Variants in TMEM71 observed in about 807,000 individuals in gnomAD.
TMEM71 encodes the protein transmembrane protein 71.
Under a neutral mutation model 38.0 loss-of-function variants are expected in TMEM71, and 44 were observed. That is an observed-to-expected ratio of 1.16 (90% CI 0.91 to 1.49). The LOEUF (loss-of-function observed/expected upper bound fraction) is 1.49, where lower values mean the gene tolerates loss of function less well. TMEM71 is among the 40% of genes most tolerant of loss of function. The pLI is 0.00. For missense variants in TMEM71, 367 were observed against 348.6 expected (o/e 1.05, Z -0.42); for synonymous variants, 133 against 122.5 (o/e 1.09, Z -0.56).
intron 7 of TMEM71, among the ~76,000 whole-genome samples, chr8:132,719,415 C>T (rs1826717128): frequency 6.6e-6 from 1 of 152,150 alleles, no homozygotes; most frequent in African/African-American, 2.4e-5. Flanking sequence ...TGTAAAGTTA[C>T]CTTTAGGCTG....
chr8:132,773,695 A>G, the TMEM71 span, among the ~76,000 whole-genome samples: 1 of 152,236 alleles, frequency 6.6e-6, no homozygotes, highest in Non-Finnish European at 1.5e-5. Flanking sequence ...GAACATCATT[A>G]GCAACTTCTG....
At chr8:132,756,414 TATATATATATA>T (rs1563757940) in intron 3 of TMEM71, among the ~76,000 whole-genome samples, 12 of 61,218 alleles carry the variant, frequency 2.0e-4, no homozygotes, top group African/African-American at 4.3e-4. Flanking sequence ...ATATATATTA[TATATATATATA>T]TATATATATA....
At chr8:132,745,639 C>A (rs1408287167) in intron 5 of TMEM71, among the ~76,000 whole-genome samples, 2 of 152,040 alleles carry the variant, frequency 1.3e-5, no homozygotes, top group Non-Finnish European at 2.9e-5. Flanking sequence ...GACCTTAGAA[C>A]CACGATTTCA....
At chr8:132,706,270 G>A (rs116676526), downstream of TMEM71, among the ~76,000 whole-genome samples, 1,291 of 152,218 alleles carry the variant, frequency 8.5e-3, 26 homozygotes, top group African/African-American at 0.029. Flanking sequence ...ATCCTCTACA[G>A]TCCTTTAGCA....
chr8:132,740,411 C>T lies in TMEM71; in HGVS notation c.487+6531G>A, dbSNP rs553079015. On this transcript the variant is annotated intron_variant, in intron 5 of 9. Coordinates refer to ENST00000677595, the MANE Select transcript of TMEM71 (RefSeq NM_001382403.1). ...TCCCCTTTTCTTGTTTCCCATACCA[C>T]TCACCACTTATTAACATGCTACATA... is the stretch of plus-strand genomic sequence containing the variant. Among the ~76,000 whole-genome samples the T allele has an allele frequency of 5.9e-5, 9 of 152,366 alleles. No homozygotes were observed. In the South Asian group the frequency reaches 1.9e-3, roughly 32 times the overall value.
intron 7 of TMEM71, among the ~76,000 whole-genome samples, chr8:132,715,864 C>T (rs1826498070): frequency 6.6e-6 from 1 of 152,074 alleles, no homozygotes; most frequent in African/African-American, 2.4e-5. Flanking sequence ...CAAAATATTC[C>T]GTGAGAGAAA....
At chr8:132,722,860 A>C (rs956585364) in intron 6 of TMEM71, among the ~76,000 whole-genome samples, 2 of 152,244 alleles carry the variant, frequency 1.3e-5, no homozygotes, top group African/African-American at 2.4e-5. Context: ...TATAAGCATA[A>C]GAGTTAATTC....
downstream of TMEM71, among the ~76,000 whole-genome samples, chr8:132,708,552 G>A (rs184118694): frequency 6.6e-6 from 1 of 152,186 alleles, no homozygotes; most frequent in African/African-American, 2.4e-5. Context: ...CCTCTGCAAG[G>A]TTGTAAAGAA....
chr8:132,774,971 G>A, the TMEM71 span, among the ~76,000 whole-genome samples: 1 of 152,234 alleles, frequency 6.6e-6, no homozygotes, highest in African/African-American at 2.4e-5. Flanking sequence ...ATCCATTCAA[G>A]GGAGGTTTAT....
chr8:132,752,831 G>A (rs1828793748), intron 3 of TMEM71, among the ~76,000 whole-genome samples: 2 of 16,416 alleles, frequency 1.2e-4, no homozygotes, highest in African/African-American at 2.6e-4. Flanking sequence ...AAGGAAGAAA[G>A]GAAGGAAGGA....
chr8:132,710,757 G>A lies in TMEM71; in HGVS notation c.*210C>T. The A allele has an allele frequency of 5.1e-6, 3 of 584,570 alleles. No individual in the cohort carries two copies. The highest frequency in any genetic ancestry group is 2.3e-5 in the South Asian group (1 of 44,000). The allele number at this position is 584,570 out of a possible 1,614,324, so 36.2% of individuals were successfully genotyped here. ...AACTGCCGGTGTTTGCAAAGGGAAGGCAAATTAATATTATTTTCATGAGCA... is the reference window on the plus strand; with the variant it reads ...AACTGCCGGTGTTTGCAAAGGGAAGACAAATTAATATTATTTTCATGAGCA... On this transcript the variant is annotated 3_prime_UTR_variant, in exon 10 of 10. Coordinates refer to ENST00000677595, the MANE Select transcript of TMEM71 (RefSeq NM_001382403.1).
intron 5 of TMEM71, among the ~76,000 whole-genome samples, chr8:132,738,478 T>C (rs1472311109): frequency 6.6e-6 from 1 of 152,164 alleles, no homozygotes; most frequent in Admixed American, 6.5e-5. Flanking sequence ...TCCTGCCACT[T>C]CCTTAGGATA....
chr8:132,732,732 G>A lies in TMEM71; in HGVS notation c.488-4746C>T, dbSNP rs12541866. ...CCTCATACAACAGTAGTTCTTAATA[G>A]GGGGTGATTTCTCCTCCCCGGGGAC... is the stretch of plus-strand genomic sequence containing the variant. On this transcript the variant is annotated intron_variant, in intron 5 of 9. Coordinates refer to ENST00000677595, the MANE Select transcript of TMEM71 (RefSeq NM_001382403.1). Among the ~76,000 whole-genome samples, 168 of 152,226 alleles carry A rather than the reference G, an allele frequency of 1.1e-3. 1 individual carries two copies. The highest frequency in any genetic ancestry group is 7.8e-3 in the Admixed American group (119 of 15,294).
At chr8:132,727,772 C>A (rs771669344) in intron 6 of TMEM71, 26 bp downstream of exon 6, 16 of 1,548,130 alleles carry the variant, frequency 1.0e-5, no homozygotes, top group Non-Finnish European at 1.2e-5. Context: ...TTGGGTGTGG[C>A]AAATATTTAA....
At chr8:132,736,979 A>G (rs1445608650) in intron 5 of TMEM71, among the ~76,000 whole-genome samples, 2 of 152,246 alleles carry the variant, frequency 1.3e-5, no homozygotes, top group African/African-American at 4.8e-5. Flanking sequence ...CACATTGCCC[A>G]CTTCATCAAC....
upstream of TMEM71, among the ~76,000 whole-genome samples, chr8:132,765,451 T>C (rs192876473): frequency 6.6e-6 from 1 of 152,272 alleles, no homozygotes; most frequent in African/African-American, 2.4e-5. Flanking sequence ...GTTTAGAGTA[T>C]ACCCGGCAAT....
chr8:132,761,846 T>C (rs201009352), upstream of TMEM71, among the ~76,000 whole-genome samples: 2 of 152,150 alleles, frequency 1.3e-5, no homozygotes, highest in East Asian at 3.9e-4. Context: ...TCAAGAGTGG[T>C]CTCAAAAGCC....
intron 5 of TMEM71, among the ~76,000 whole-genome samples, chr8:132,741,332 G>A (rs1476529240): frequency 3.9e-5 from 6 of 152,128 alleles, no homozygotes; most frequent in African/African-American, 9.7e-5. Flanking sequence ...CCACAGGGTC[G>A]GTGGGTCTCT....
chr8:132,775,964 T>C, the TMEM71 span, among the ~76,000 whole-genome samples: 5 of 152,200 alleles, frequency 3.3e-5, no homozygotes, highest in African/African-American at 1.2e-4. Flanking sequence ...GGTCATTCTC[T>C]GACCATTGCT....
Sources: allele counts gnomAD v4.1 joint callset (sites outside exome capture counted in the v4.1 genomes callset), GRCh38; gene constraint gnomAD v4.1.1; transcripts MANE v1.5; gene names NCBI Gene and HGNC (gene_info 2026-07-23, HGNC 2026-07-21).